The following AKAP19 variants were observed in gnomAD, a reference collection of about 807,000 sequenced individuals.
AKAP19 encodes A-kinase anchoring protein 19.
At chr2:190,017,552 C>T in the AKAP19 span, among the ~76,000 whole-genome samples, 2 of 152,072 alleles carry the variant, frequency 1.3e-5, no homozygotes, top group African/African-American at 4.8e-5. Flanking sequence ...CATTTTTACT[C>T]CCCTCCGCCA....
the AKAP19 span, among the ~76,000 whole-genome samples, chr2:190,174,182 C>T: frequency 2.0e-5 from 3 of 152,288 alleles, no homozygotes; most frequent in South Asian, 4.1e-4. Context: ...ACCCCCTTCC[C>T]CCACCGTGTC....
the AKAP19 span, among the ~76,000 whole-genome samples, chr2:190,156,952 ATTGT>A: frequency 2.0e-5 from 3 of 152,200 alleles, no homozygotes; most frequent in Non-Finnish European, 4.4e-5. Context: ...TTATTGCATC[ATTGT>A]TTGTACTAAT....
At chr2:190,148,311 T>C in the AKAP19 span, among the ~76,000 whole-genome samples, 1 of 152,238 alleles carries the variant, frequency 6.6e-6, no homozygotes, top group East Asian at 1.9e-4. Context: ...ATGACACTTA[T>C]TGATTCACAT....
the AKAP19 span, among the ~76,000 whole-genome samples, chr2:190,092,177 T>A: frequency 6.6e-6 from 1 of 152,172 alleles, no homozygotes; most frequent in Non-Finnish European, 1.5e-5. Context: ...TGTAAATATG[T>A]GTGTGGAGGC....
chr2:190,144,239 G>T, the AKAP19 span, among the ~76,000 whole-genome samples: 2 of 128,172 alleles, frequency 1.6e-5, no homozygotes, highest in South Asian at 3.4e-4. Context: ...TAACAAAAAG[G>T]CTCTAACAGA....
the AKAP19 span, among the ~76,000 whole-genome samples, chr2:190,153,251 G>C: frequency 1.3e-5 from 2 of 152,074 alleles, no homozygotes; most frequent in Non-Finnish European, 2.9e-5. Flanking sequence ...TAATTTCTAT[G>C]TATTAATAAT....
chr2:189,897,301 T>C, the AKAP19 span, among the ~76,000 whole-genome samples: 1 of 152,204 alleles, frequency 6.6e-6, no homozygotes, highest in Non-Finnish European at 1.5e-5. Context: ...CCTTGTTATA[T>C]ATAATTTTTG....
At chr2:190,030,607 C>A in the AKAP19 span, among the ~76,000 whole-genome samples, 1 of 152,178 alleles carries the variant, frequency 6.6e-6, no homozygotes, top group African/African-American at 2.4e-5. Flanking sequence ...AACCAGTTAC[C>A]CATAACTATT....
chr2:190,135,352 T>C, the AKAP19 span, among the ~76,000 whole-genome samples: 2 of 152,188 alleles, frequency 1.3e-5, no homozygotes, highest in African/African-American at 4.8e-5. Context: ...AAATGTAGAA[T>C]CTCAGCCTTC....
chr2:190,107,145 T>G, the AKAP19 span, among the ~76,000 whole-genome samples: 2 of 152,200 alleles, frequency 1.3e-5, no homozygotes, highest in African/African-American at 4.8e-5. Flanking sequence ...TGTTTATTAC[T>G]CAGTATCTAA....
chr2:190,144,340 A>G, the AKAP19 span, among the ~76,000 whole-genome samples: 1 of 151,948 alleles, frequency 6.6e-6, no homozygotes, highest in Non-Finnish European at 1.5e-5. Context: ...ACAATTGGCA[A>G]TTTCTCTGTA....
chr2:189,963,516 A>G, the AKAP19 span, among the ~76,000 whole-genome samples: 1 of 151,916 alleles, frequency 6.6e-6, no homozygotes, highest in African/African-American at 2.4e-5. Flanking sequence ...TCTAATTGCT[A>G]TTGCTACTTC....
At chr2:189,968,956 A>G in the AKAP19 span, among the ~76,000 whole-genome samples, 1 of 152,150 alleles carries the variant, frequency 6.6e-6, no homozygotes, top group Non-Finnish European at 1.5e-5. Context: ...TAATATCTAA[A>G]TAGGAATTCT....
chr2:190,137,956 A>G, the AKAP19 span: 1 of 5,074 alleles, frequency 2.0e-4, no homozygotes, highest in Non-Finnish European at 2.6e-3. Context: ...TAAAAAATAC[A>G]CAGCTTTTTA....
At chr2:190,173,055 C>T in the AKAP19 span, among the ~76,000 whole-genome samples, 1 of 150,866 alleles carries the variant, frequency 6.6e-6, no homozygotes, top group Admixed American at 6.6e-5. Context: ...GCAGACGTTG[C>T]AGTGAGCCGT....
At chr2:189,943,062 T>G in the AKAP19 span, among the ~76,000 whole-genome samples, 2 of 152,240 alleles carry the variant, frequency 1.3e-5, no homozygotes, top group Non-Finnish European at 2.9e-5. Flanking sequence ...GAGCAACCAC[T>G]TGCCAGTTAT....
the AKAP19 span, among the ~76,000 whole-genome samples, chr2:190,145,133 AAAAATTAGCC>A: frequency 2.6e-5 from 4 of 152,130 alleles, no homozygotes; most frequent in Admixed American, 2.6e-4. Context: ...AAAAAAGTTT[AAAAATTAGCC>A]AGACGTGGTA....
the AKAP19 span, among the ~76,000 whole-genome samples, chr2:190,023,343 G>A: frequency 6.6e-6 from 1 of 152,070 alleles, no homozygotes; most frequent in African/African-American, 2.4e-5. Context: ...GAGAAGCATA[G>A]TACATCTTTT....
At chr2:190,097,828 C>G in the AKAP19 span, among the ~76,000 whole-genome samples, 172 of 133,282 alleles carry the variant, frequency 1.3e-3, no homozygotes, top group African/African-American at 5.0e-3. Context: ...TTAGGACCAG[C>G]CTGAGCAACA....
Sources: gnomAD v4.1 joint callset for allele counts (sites outside exome capture counted in the v4.1 genomes callset) on GRCh38, gnomAD v4.1.1 for gene constraint, MANE v1.5 for transcripts, NCBI Gene and HGNC (gene_info 2026-07-23, HGNC 2026-07-21) for gene names.